ESR1: variants seen among roughly 807,000 people sequenced by gnomAD.
The protein encoded by ESR1 is estrogen receptor.
In ESR1, 12 loss-of-function variants were observed where a neutral mutation model predicts 52.7. The observed-to-expected ratio is 0.23, with a 90% confidence interval of 0.15 to 0.37. The LOEUF is 0.37. Among genes scored for constraint, ESR1 ranks in the 10% least tolerant of loss-of-function variants. The pLI, the probability that ESR1 is intolerant of heterozygous loss-of-function variation, is 1.00. For synonymous variants in ESR1, 305 were observed against 316.8 expected (o/e 0.96, Z 0.39); for missense variants, 584 against 779.7 (o/e 0.75, Z 2.99).
intron 6 of ESR1, among the ~76,000 whole-genome samples, chr6:152,109,997 A>G (rs2051112962): frequency 6.6e-6 from 1 of 152,210 alleles, no homozygotes; most frequent in Non-Finnish European, 1.5e-5. Context: ...TACACACAAA[A>G]GCTACGTACC....
intron 3 of ESR1, 126 bp from the exon 4 acceptor site, chr6:151,944,047 C>T: frequency 2.6e-6 from 2 of 755,264 alleles, no homozygotes; most frequent in South Asian, 1.8e-5. Context: ...GAACACTTAC[C>T]AGCTCACCTG....
chr6:152,027,436 T>G (rs1402962472), intron 5 of ESR1, among the ~76,000 whole-genome samples: 1 of 152,200 alleles, frequency 6.6e-6, no homozygotes, highest in Non-Finnish European at 1.5e-5. Context: ...TTTGGTTGTC[T>G]GGAGCTTTTT....
intron 1 of ESR1, among the ~76,000 whole-genome samples, chr6:151,840,053 A>G (rs974566359): frequency 2.0e-5 from 3 of 152,184 alleles, no homozygotes; most frequent in Non-Finnish European, 2.9e-5. Flanking sequence ...CCATGCGTAT[A>G]CTGTTCACTC....
intron 6 of ESR1, among the ~76,000 whole-genome samples, chr6:152,063,951 G>A (rs563642974): frequency 7.2e-5 from 11 of 152,276 alleles, no homozygotes; most frequent in African/African-American, 2.6e-4. Context: ...GGACCTGCTC[G>A]GAATGTCTTT....
At chr6:151,946,187 G>T (rs137900784) in intron 4 of ESR1, among the ~76,000 whole-genome samples, 127 of 152,210 alleles carry the variant, frequency 8.3e-4, no homozygotes, top group African/African-American at 3.0e-3. Context: ...AACAAGCAAA[G>T]AAACTAATGG....
intron 1 of ESR1, among the ~76,000 whole-genome samples, chr6:151,697,606 T>C (rs540861625): frequency 5.3e-5 from 8 of 152,224 alleles, no homozygotes; most frequent in Admixed American, 2.0e-4. Context: ...TTCTGTGAGA[T>C]TAGGATTCAG....
At chr6:152,057,046 CCT>C (rs1262886053) in intron 5 of ESR1, among the ~76,000 whole-genome samples, 1 of 152,030 alleles carries the variant, frequency 6.6e-6, no homozygotes, top group African/African-American at 2.4e-5. Flanking sequence ...CTGATTTGCC[CCT>C]TGAAGTTAGT....
rs1004252268 is a variant in ESR1, at chr6:151,955,428, C to T, written c.1096+10920C>T. 3.0e-4 allele frequency among the ~76,000 whole-genome samples: 46 copies of T among 152,070 alleles called. 1 individual carries two copies. The highest frequency in any genetic ancestry group is 5.9e-5 in the Non-Finnish European group (4 of 67,996). ...ACCAAAATAAAGAAAAGTTATAATA[C>T]TTTCCGTAGCATATATAAAAAAGAA... On this transcript the variant is annotated intron_variant, in intron 4 of 7. Transcript: ENST00000206249.
At chr6:152,054,052 T>C (rs1334026437) in intron 5 of ESR1, among the ~76,000 whole-genome samples, 2 of 152,126 alleles carry the variant, frequency 1.3e-5, no homozygotes, top group Non-Finnish European at 2.9e-5. Flanking sequence ...CAAGCCTATT[T>C]GAAAAGATAC....
chr6:152,125,325 A>C, exon 7 of ESR1: 1 of 1,550,442 alleles, frequency 6.4e-7, no homozygotes, highest in Non-Finnish European at 8.7e-7. Context: ...AATATTTGGA[A>C]ACAAGTGGTT....
At chr6:151,931,210 A>G (rs1166076948) in intron 3 of ESR1, among the ~76,000 whole-genome samples, 1 of 150,014 alleles carries the variant, frequency 6.7e-6, no homozygotes, top group African/African-American at 2.5e-5. Context: ...TTGCTTTTTC[A>G]TTCTTTTGAT....
intron 2 of ESR1, among the ~76,000 whole-genome samples, chr6:151,847,470 T>C (rs1785334573): frequency 6.7e-6 from 1 of 150,078 alleles, no homozygotes; most frequent in Non-Finnish European, 1.5e-5. Context: ...TGGTTTTGAT[T>C]TGCATTTCTC....
chr6:151,736,597 T>C (rs1225257282), intron 2 of ESR1, among the ~76,000 whole-genome samples: 1 of 152,048 alleles, frequency 6.6e-6, no homozygotes, highest in Non-Finnish European at 1.5e-5. Flanking sequence ...CAGGGTGGTC[T>C]CGAACTCCTG....
At chr6:151,946,594 G>A (rs1007016940) in intron 4 of ESR1, among the ~76,000 whole-genome samples, 4 of 152,094 alleles carry the variant, frequency 2.6e-5, no homozygotes, top group Admixed American at 6.5e-5. Flanking sequence ...CATCATGTTC[G>A]TTTAAAAGAC....
At chr6:151,843,363 A>C (rs1784605591) in intron 2 of ESR1, among the ~76,000 whole-genome samples, 1 of 152,146 alleles carries the variant, frequency 6.6e-6, no homozygotes, top group South Asian at 2.1e-4. Context: ...TTTATCAAAC[A>C]GTTATTAAGT....
intron 2 of ESR1, among the ~76,000 whole-genome samples, chr6:151,776,817 A>C (rs1171657407): frequency 6.6e-6 from 1 of 151,780 alleles, no homozygotes; most frequent in Admixed American, 6.6e-5. Context: ...CAGCCTGGGC[A>C]ACAAAGAGTG....
chr6:152,114,989 T>G (rs907221428), intron 6 of ESR1, among the ~76,000 whole-genome samples: 1 of 151,542 alleles, frequency 6.6e-6, no homozygotes, highest in Non-Finnish European at 1.5e-5. Flanking sequence ...ATTATTCTTA[T>G]AGCAACTTGG....
intron 1 of ESR1, among the ~76,000 whole-genome samples, chr6:151,697,347 G>T (rs1779426050): frequency 6.6e-6 from 1 of 152,228 alleles, no homozygotes; most frequent in Non-Finnish European, 1.5e-5. Flanking sequence ...ATCAAAAGAT[G>T]GGACTGTGCC....
chr6:151,745,603 G>T (rs529250696), intron 2 of ESR1, among the ~76,000 whole-genome samples: 1 of 152,096 alleles, frequency 6.6e-6, no homozygotes, highest in South Asian at 2.1e-4. Flanking sequence ...CAAACTCTAA[G>T]ACTTTGTTGG....
Sources: gnomAD v4.1 joint callset for allele counts (sites outside exome capture counted in the v4.1 genomes callset) on GRCh38, gnomAD v4.1.1 for gene constraint, MANE v1.5 for transcripts, NCBI Gene and HGNC (gene_info 2026-07-23, HGNC 2026-07-21) for gene names.